NEK1: variants seen among roughly 807,000 people sequenced by gnomAD.
NEK1 encodes the protein serine/threonine-protein kinase Nek1.
NEK1 carries 137 observed loss-of-function variants against 182.1 expected under a neutral mutation model. The ratio of observed to expected loss-of-function variants is 0.75; its 90% CI spans 0.65 to 0.87. The LOEUF is 0.87. NEK1 is among the 40% of genes least tolerant of loss of function. The pLI is 0.00. For synonymous variants in NEK1, 513 were observed against 492.2 expected (o/e 1.04, Z -0.56); for missense variants, 1,391 against 1,494.4 (o/e 0.93, Z 1.14).
At chr4:169,424,233 C>T (rs1002995397) in intron 31 of NEK1, among the ~76,000 whole-genome samples, 2 of 151,958 alleles carry the variant, frequency 1.3e-5, no homozygotes, top group Non-Finnish European at 2.9e-5. Flanking sequence ...AGATATATTG[C>T]TTAAACTTAG....
In NEK1 at chr4:169,514,078, C is replaced by T. The variant is rs559606890; in HGVS notation, c.1666-5226G>A. On this transcript the variant is annotated intron_variant, in intron 19 of 35. Coordinates refer to ENST00000507142, the MANE Select transcript of NEK1 (RefSeq NM_001199397.3). ...TTGGCTCACTGCAAGCTCCACCTCC[C>T]GGGTTCATGCCATTCTCCTGCCTGA... Among the ~76,000 whole-genome samples the T allele has an allele frequency of 6.6e-5, 10 of 151,868 alleles. 1 individual carries two copies. In the South Asian group the frequency reaches 1.0e-3, roughly 16 times the overall value.
chr4:169,487,674 T>C (rs1233415259), intron 23 of NEK1, among the ~76,000 whole-genome samples: 2 of 152,338 alleles, frequency 1.3e-5, no homozygotes, highest in East Asian at 3.9e-4. Flanking sequence ...TTGGGGTATA[T>C]ACCCAGTAAT....
chr4:169,607,641 A>T (rs1364746686), intron 2 of NEK1, among the ~76,000 whole-genome samples: 2 of 151,652 alleles, frequency 1.3e-5, no homozygotes, highest in East Asian at 1.9e-4. Flanking sequence ...TTTTTTGTAT[A>T]TTTAGTAGAG....
intron 9 of NEK1, among the ~76,000 whole-genome samples, chr4:169,586,145 A>G (rs1767494501): frequency 1.3e-5 from 2 of 149,914 alleles, no homozygotes; most frequent in African/African-American, 5.1e-5. Flanking sequence ...GTAAAAAGAA[A>G]ACAAGAGGTA....
intron 19 of NEK1, 125 bp from the exon 20 acceptor site, chr4:169,508,977 G>T: frequency 2.9e-6 from 2 of 692,052 alleles, no homozygotes; most frequent in Non-Finnish European, 4.6e-6. Context: ...ATGATAAACT[G>T]TGATAACAAA....
chr4:169,569,736 C>A (rs1217982170), intron 12 of NEK1, among the ~76,000 whole-genome samples: 1 of 152,092 alleles, frequency 6.6e-6, no homozygotes, highest in Non-Finnish European at 1.5e-5. Flanking sequence ...GCGAGTGATC[C>A]GCCAGCCTCG....
chr4:169,494,040 G>A (rs1339539534), intron 23 of NEK1, among the ~76,000 whole-genome samples: 10 of 150,488 alleles, frequency 6.6e-5, no homozygotes, highest in Non-Finnish European at 1.5e-4. Flanking sequence ...GGCAGCTAGA[G>A]AAAAGAACCA....
At position 169,587,524 on chromosome 4, in the gene NEK1, A is replaced by G. The variant is rs1229782049; in HGVS notation, c.606+35T>C. The stretch of plus-strand genomic sequence containing the variant: ...AAAAACATTATAGTCGCTTTTTAAC[A>G]TAACTTTGAAAGTATTTCAGAAACT... On this transcript the variant is annotated intron_variant, in intron 9 of 35. Transcript: ENST00000507142. 5 of 1,199,002 alleles carry G rather than the reference A, an allele frequency of 4.2e-6. No homozygotes were observed. The South Asian group carries it at 6.4e-5, about 15-fold the overall frequency. The allele number at this position is 1,199,002 out of a possible 1,614,324, so 74.3% of individuals were successfully genotyped here.
chr4:169,577,447 G>T (rs927994255), intron 11 of NEK1, among the ~76,000 whole-genome samples: 2 of 152,222 alleles, frequency 1.3e-5, no homozygotes. Context: ...AAACTGTATG[G>T]TATGTAAGTT....
chr4:169,575,030 C>G (rs1345981358), intron 12 of NEK1, among the ~76,000 whole-genome samples: 1 of 152,138 alleles, frequency 6.6e-6, no homozygotes, highest in African/African-American at 2.4e-5. Context: ...ACTTTTGCAC[C>G]AACCTATAGA....
intron 27 of NEK1, among the ~76,000 whole-genome samples, chr4:169,455,258 A>AT (rs1295796492): frequency 6.6e-6 from 1 of 152,052 alleles, no homozygotes; most frequent in Non-Finnish European, 1.5e-5. Flanking sequence ...GCAAACCAAC[A>AT]TGGCACATGT....
intron 23 of NEK1, among the ~76,000 whole-genome samples, chr4:169,499,944 T>G (rs1424947670): frequency 6.6e-6 from 1 of 152,226 alleles, no homozygotes. Context: ...CAGGGACATT[T>G]AAGTCTGCAG....
chr4:169,577,203 A>G, intron 11 of NEK1, 124 bp from the exon 12 acceptor site: 1 of 930,180 alleles, frequency 1.1e-6, no homozygotes, highest in Non-Finnish European at 1.6e-6. Flanking sequence ...ACTTTCTATC[A>G]AATATCTTAA....
At chr4:169,442,403 A>T (rs1739637991) in intron 27 of NEK1, among the ~76,000 whole-genome samples, 2 of 151,998 alleles carry the variant, frequency 1.3e-5, no homozygotes. Flanking sequence ...AAGCCAAAAC[A>T]CCCTACTCAA....
intron 19 of NEK1, among the ~76,000 whole-genome samples, chr4:169,521,108 C>T (rs1435389605): frequency 3.8e-5 from 3 of 79,212 alleles, no homozygotes; most frequent in Non-Finnish European, 7.6e-5. Flanking sequence ...CCCCCAGCCT[C>T]GTTGCCGCCT....
intron 26 of NEK1, among the ~76,000 whole-genome samples, chr4:169,465,553 G>A (rs1489564769): frequency 1.3e-5 from 2 of 152,062 alleles, no homozygotes; most frequent in Non-Finnish European, 2.9e-5. Context: ...AGTACATAAT[G>A]TATAAAGAAA....
At chr4:169,570,224 C>A (rs1243487663) in intron 12 of NEK1, among the ~76,000 whole-genome samples, 1 of 150,860 alleles carries the variant, frequency 6.6e-6, no homozygotes, top group Non-Finnish European at 1.5e-5. Flanking sequence ...CCTGGCCGCC[C>A]CGTCTGAGAA....
intron 18 of NEK1, among the ~76,000 whole-genome samples, chr4:169,549,781 G>A (rs543167723): frequency 8.6e-5 from 13 of 152,046 alleles, no homozygotes; most frequent in Non-Finnish European, 1.8e-4. Context: ...GTGCAGTGGC[G>A]TGATCTCAGC....
rs759120559 is a variant in NEK1, at chr4:169,477,478, G to A, written c.2159C>T (p.Thr720Ile). The A allele has an allele frequency of 2.7e-5, 43 of 1,607,014 alleles. 1 individual carries two copies. The South Asian group carries it at 4.8e-4, about 18-fold the overall frequency. ...TTGCATCTCTTCTGAAGTTTCCCGG[G>A]TATCAGTTAAACTACTGTCCTTTAA... Reference protein sequence around the residue: ...EVGVDSSLTDTRETSEEMQKT... With the variant: ...EVGVDSSLTDIRETSEEMQKT... The change falls in exon 25 of 36, where the codon ACC becomes ATC. Residue 720 changes from threonine (T) to isoleucine (I), a missense_variant. By Grantham distance (89) the Thr-to-Ile change is moderately conservative (BLOSUM62 -1). This residue lies in a region of NEK1 where 1,216 missense variants were observed against 1,277.6 expected (regional missense o/e 0.95). Coordinates refer to ENST00000507142, the MANE Select transcript of NEK1 (RefSeq NM_001199397.3).
Sources: allele counts gnomAD v4.1 joint callset (sites outside exome capture counted in the v4.1 genomes callset), GRCh38; gene constraint gnomAD v4.1.1; regional missense constraint gnomAD v4.1.1; transcripts MANE v1.5; gene names NCBI Gene and HGNC (gene_info 2026-07-23, HGNC 2026-07-21).